The following CTNNA2 variants were observed in gnomAD, a reference collection of about 807,000 sequenced individuals.
The protein encoded by CTNNA2 is catenin alpha 2, also known as catenin alpha-2.
Under a neutral mutation model 101.0 loss-of-function variants are expected in CTNNA2, and 42 were observed. That is an observed-to-expected ratio of 0.42 (90% CI 0.32 to 0.54). CTNNA2 has a LOEUF of 0.54. Ranked by LOEUF, CTNNA2 falls within the 20% of genes least tolerant of loss-of-function variation. The pLI, the probability that CTNNA2 is intolerant of heterozygous loss-of-function variation, is 0.14. For synonymous variants in CTNNA2, 450 were observed against 456.4 expected (o/e 0.99, Z 0.18); for missense variants, 871 against 1,223.1 (o/e 0.71, Z 4.29).
intron 5 of CTNNA2, among the ~76,000 whole-genome samples, chr2:79,872,233 A>T (rs1682641883): frequency 6.6e-6 from 1 of 152,102 alleles, no homozygotes; most frequent in Non-Finnish European, 1.5e-5. Context: ...ATGTTTCAGT[A>T]GTTTTTTTTC....
At chr2:80,541,255 T>C (rs1434424481) in intron 9 of CTNNA2, among the ~76,000 whole-genome samples, 2 of 152,174 alleles carry the variant, frequency 1.3e-5, no homozygotes, top group South Asian at 2.1e-4. Context: ...TCAGAATGTT[T>C]CCAAAGAAAA....
At chr2:79,355,754 C>T (rs1291408171) in intron 3 of CTNNA2, among the ~76,000 whole-genome samples, 1 of 152,154 alleles carries the variant, frequency 6.6e-6, no homozygotes, top group African/African-American at 2.4e-5. Flanking sequence ...AGGTTATCCA[C>T]ATTTTAACCT....
intron 3 of CTNNA2, among the ~76,000 whole-genome samples, chr2:79,754,928 A>G (rs963342370): frequency 9.9e-5 from 15 of 152,110 alleles, no homozygotes; most frequent in African/African-American, 3.6e-4. Flanking sequence ...CAAGAGGCAA[A>G]TCCTAGGTAA....
chr2:80,647,203 T>C (rs1488759474), intron 18 of CTNNA2, among the ~76,000 whole-genome samples: 1 of 152,080 alleles, frequency 6.6e-6, no homozygotes, highest in Non-Finnish European at 1.5e-5. Context: ...GATACAGAAA[T>C]AGCCTATAGA....
chr2:80,089,948 G>A (rs1699682110), intron 7 of CTNNA2, among the ~76,000 whole-genome samples: 1 of 151,980 alleles, frequency 6.6e-6, no homozygotes, highest in African/African-American at 2.4e-5. Flanking sequence ...CAAGAATGAT[G>A]CCTTCAGGTG....
In CTNNA2 at chr2:79,964,358, C is replaced by T. The variant is rs144287725; in HGVS notation, c.1056+54561C>T. ...TTAAGGCACTTACTGATGATCTTCA[C>T]AATATTGCTTAAATTTATGAATGGG... On this transcript the variant is annotated intron_variant, in intron 7 of 18. Transcript: ENST00000402739. Among the ~76,000 whole-genome samples the T allele has an allele frequency of 5.2e-4, 79 of 151,554 alleles. 1 individual carries two copies. Among genetic ancestry groups the T allele is most frequent in the African/African-American group, 1.7e-3 (72 of 41,280 alleles).
At chr2:79,517,887 C>T (rs1483187068) in intron 1 of CTNNA2, among the ~76,000 whole-genome samples, 1 of 152,084 alleles carries the variant, frequency 6.6e-6, no homozygotes, top group East Asian at 1.9e-4. Flanking sequence ...TATTACATTT[C>T]AGGTATTAGG....
intron 6 of CTNNA2, among the ~76,000 whole-genome samples, chr2:79,887,338 A>G (rs543821133): frequency 6.6e-6 from 1 of 152,340 alleles, no homozygotes; most frequent in East Asian, 1.9e-4. Flanking sequence ...ATTTCCATAT[A>G]TTGAAATAGT....
intron 3 of CTNNA2, among the ~76,000 whole-genome samples, chr2:79,760,048 A>G (rs1223262893): frequency 6.6e-6 from 1 of 152,194 alleles, no homozygotes; most frequent in Non-Finnish European, 1.5e-5. Flanking sequence ...GACAGCCTAC[A>G]TTTGAAACCT....
chr2:80,522,754 A>G (rs533930669), intron 9 of CTNNA2, among the ~76,000 whole-genome samples: 1 of 152,072 alleles, frequency 6.6e-6, no homozygotes, highest in Non-Finnish European at 1.5e-5. Flanking sequence ...TTCCTCCGTG[A>G]TGGTGAGTTC....
intron 9 of CTNNA2, among the ~76,000 whole-genome samples, chr2:80,516,593 T>G (rs1049433429): frequency 1.9e-4 from 29 of 152,230 alleles, no homozygotes; most frequent in Non-Finnish European, 3.1e-4. Context: ...CAACTTTTCT[T>G]TCTCAGGAAC....
chr2:79,367,105 A>G (rs1677768209), intron 3 of CTNNA2, among the ~76,000 whole-genome samples: 1 of 152,146 alleles, frequency 6.6e-6, no homozygotes, highest in Non-Finnish European at 1.5e-5. Context: ...TAGAGGGCTT[A>G]TAAGAAGAGG....
chr2:80,478,890 A>G (rs1299850818), intron 9 of CTNNA2, among the ~76,000 whole-genome samples: 3 of 152,014 alleles, frequency 2.0e-5, no homozygotes, highest in Non-Finnish European at 2.9e-5. Context: ...TATTAATTTT[A>G]GGATTTTTGT....
intron 1 of CTNNA2, among the ~76,000 whole-genome samples, chr2:79,591,359 G>A (rs11898927): frequency 0.023 from 3,507 of 152,228 alleles, 145 homozygotes; most frequent in African/African-American, 0.081. Flanking sequence ...TGACCTTGAA[G>A]ACCGTATTAA....
intron 3 of CTNNA2, among the ~76,000 whole-genome samples, chr2:79,358,759 A>G (rs1018847404): frequency 6.6e-6 from 1 of 152,210 alleles, no homozygotes; most frequent in Non-Finnish European, 1.5e-5. Context: ...CATTTTACAG[A>G]TAAGTAAACA....
chr2:80,187,611 G>T (rs538380179), intron 7 of CTNNA2, among the ~76,000 whole-genome samples: 1 of 152,232 alleles, frequency 6.6e-6, no homozygotes, highest in African/African-American at 2.4e-5. Flanking sequence ...TAAGGCCTTG[G>T]GCTACCATTG....
At chr2:80,517,719 A>G (rs1368501666) in intron 9 of CTNNA2, among the ~76,000 whole-genome samples, 1 of 152,208 alleles carries the variant, frequency 6.6e-6, no homozygotes, top group African/African-American at 2.4e-5. Flanking sequence ...GGTGCTCAGG[A>G]CAAGTTTTGG....
chr2:80,194,233 T>C (rs1706695490), intron 7 of CTNNA2, among the ~76,000 whole-genome samples: 1 of 152,206 alleles, frequency 6.6e-6, no homozygotes, highest in African/African-American at 2.4e-5. Context: ...ACATACTAAA[T>C]TATTAAAGGT....
At chr2:80,609,253 C>T (rs577807620) in intron 17 of CTNNA2, among the ~76,000 whole-genome samples, 39 of 151,894 alleles carry the variant, frequency 2.6e-4, no homozygotes, top group Middle Eastern at 6.8e-3. Context: ...CTTCCTGAAG[C>T]CATTTTTGGA....
Sources: allele counts gnomAD v4.1 joint callset (sites outside exome capture counted in the v4.1 genomes callset), GRCh38; gene constraint gnomAD v4.1.1; transcripts MANE v1.5; gene names NCBI Gene and HGNC (gene_info 2026-07-23, HGNC 2026-07-21).